SEPTIN11: variants seen among roughly 807,000 people sequenced by gnomAD.
The protein encoded by SEPTIN11 is septin-11.
Under a neutral mutation model 51.4 loss-of-function variants are expected in SEPTIN11, and 25 were observed. That is an observed-to-expected ratio of 0.49 (90% CI 0.35 to 0.68). The LOEUF is 0.68. Among genes scored for constraint, SEPTIN11 ranks in the 30% least tolerant of loss-of-function variants. The pLI, the probability that SEPTIN11 is intolerant of heterozygous loss-of-function variation, is 0.00. For synonymous variants in SEPTIN11, 174 were observed against 184.1 expected, an observed-to-expected ratio of 0.95 and a Z score of 0.44; for missense variants, 381 against 520.8, an observed-to-expected ratio of 0.73 and a Z score of 2.61.
At position 76,968,927 on chromosome 4, in the gene SEPTIN11, CCCCTCTCAATTTATTCT is replaced by C. The variant is rs975974511; in HGVS notation, c.27+18998_27+19014del. 2.6e-4 allele frequency among the ~76,000 whole-genome samples: 39 copies of C among 152,290 alleles called. 1 individual carries two copies. The highest frequency in any genetic ancestry group is 9.4e-4 in the African/African-American group (39 of 41,548). On this transcript the variant is annotated intron_variant, in intron 1 of 9. Coordinates refer to ENST00000264893, the MANE Select transcript of SEPTIN11 (RefSeq NM_018243.4). Reference sequence around the variant, plus strand: ...TTTTACATGGTCATTGAACACTCCACCCCTCTCAATTTATTCTACTCAAACACTGTTACGCCAGAGCA... The same window carrying C: ...TTTTACATGGTCATTGAACACTCCACACTCAAACACTGTTACGCCAGAGCA...
At chr4:76,969,338 CTCT>C (rs1439167258) in intron 1 of SEPTIN11, among the ~76,000 whole-genome samples, 1 of 152,044 alleles carries the variant, frequency 6.6e-6, no homozygotes, top group African/African-American at 2.4e-5. Context: ...AACTTTAGAC[CTCT>C]TCTTCTGCTG....
At position 77,036,337 on chromosome 4, in the gene SEPTIN11, ATGT is replaced by A. The variant is rs1727022611; in HGVS notation, c.*1828_*1830del. 1.9e-6 allele frequency: 2 copies of A among 1,040,098 alleles called. No homozygotes were observed. Among genetic ancestry groups the A allele is most frequent in the African/African-American group, 3.5e-5 (2 of 57,590 alleles). 64.4% of individuals were successfully genotyped at this position (1,040,098 alleles called of 1,614,324 possible). On this transcript the variant is annotated 3_prime_UTR_variant, in exon 10 of 10. Transcript: ENST00000264893. Reference sequence around the variant, plus strand: ...GTGGAGCAGCCAAATAGTAGCTGGCATGTTGATTCAAACCATGGGCTGAATTTG... The same window carrying A: ...GTGGAGCAGCCAAATAGTAGCTGGCATGATTCAAACCATGGGCTGAATTTG...
In SEPTIN11 at chr4:77,006,872, A is replaced by G. The variant is rs571113348; in HGVS notation, c.338+1076A>G. ...TATGAGCACCACAGTAATGACAGAT[A>G]AATGTTTAATTCATTCTTTAGCTGA... On this transcript the variant is annotated intron_variant, in intron 3 of 9. Transcript: ENST00000264893. 6.2e-4 allele frequency among the ~76,000 whole-genome samples: 94 copies of G among 152,364 alleles called. 1 individual carries two copies. Among genetic ancestry groups the G allele is most frequent in the African/African-American group, 2.3e-3 (94 of 41,584 alleles).
At position 77,005,770 on chromosome 4, in the gene SEPTIN11, T is replaced by A; in HGVS notation, c.312T>A (p.Phe104Leu). The A allele has an allele frequency of 6.2e-7, 1 of 1,613,872 alleles. No homozygotes were observed. Among genetic ancestry groups the A allele is most frequent in the Non-Finnish European group, 8.5e-7 (1 of 1,179,848 alleles). Residue 104 changes from phenylalanine (F) to leucine (L), a missense_variant, in exon 3 of 10, where the codon TTT becomes TTA. Physicochemically the swap from Phe to Leu is conservative, Grantham distance 22. Transcript: ENST00000264893. ...TAACCATTGTTGACACCGTGGGATT[T>A]GGAGACCAGATAAATAAAGATGACA... ...LKLTIVDTVG[F>L]GDQINKDDSY... is the part of the protein sequence containing the mutation.
intron 7 of SEPTIN11, 130 bp from the exon 8 acceptor site, chr4:77,028,499 A>G (rs1578206129): frequency 2.9e-6 from 3 of 1,017,428 alleles, no homozygotes; most frequent in Non-Finnish European, 4.3e-6. Context: ...GTGTCATTCT[A>G]CTTATGCTTT....
At position 77,030,989 on chromosome 4, in the gene SEPTIN11, C is replaced by G. The variant is rs756677015; in HGVS notation, c.1274+19C>G. The G allele has an allele frequency of 3.8e-6, 6 of 1,586,816 alleles. No individual in the cohort carries two copies. The highest frequency in any genetic ancestry group is 5.1e-6 in the Non-Finnish European group (6 of 1,173,460). On this transcript the variant is annotated intron_variant, in intron 9 of 9. Transcript: ENST00000264893. ...AGAAAAAGTAAGCAGGTGTCACCCC[C>G]CTGTATCGGGGACCTCTAACAATTT...
At chr4:76,955,895 G>C (rs953498605) in intron 1 of SEPTIN11, among the ~76,000 whole-genome samples, 1 of 152,192 alleles carries the variant, frequency 6.6e-6, no homozygotes, top group African/African-American at 2.4e-5. Context: ...TTAGACCTAA[G>C]CAACTGAGTC....
At position 77,035,274 on chromosome 4, in the gene SEPTIN11, T is replaced by A. The variant is rs541918815; in HGVS notation, c.*762T>A. ...TCTTAAAGGTTGGATCATGTAACAT[T>A]GCTTAGTAGAAGAATCTTCTTCTAA... On this transcript the variant is annotated 3_prime_UTR_variant, in exon 10 of 10. Coordinates refer to ENST00000264893, the MANE Select transcript of SEPTIN11 (RefSeq NM_018243.4). 50 of 985,428 alleles carry A rather than the reference T, an allele frequency of 5.1e-5. No homozygotes were observed. The African/African-American group carries it at 8.5e-4, about 17-fold the overall frequency. The allele number at this position is 985,428 out of a possible 1,614,324, so 61.0% of individuals were successfully genotyped here. A position where few individuals can be genotyped will look rare whatever the true frequency, so the allele number is the denominator to read the frequency against.
At chr4:77,017,909 T>C (rs1485765059) in intron 5 of SEPTIN11, among the ~76,000 whole-genome samples, 1 of 152,204 alleles carries the variant, frequency 6.6e-6, no homozygotes, top group African/African-American at 2.4e-5. Flanking sequence ...TAAATCTGGG[T>C]GCATAGCTTG....
Position 77,023,024 on chromosome 4 carries a change from C to T in SEPTIN11, c.953+2354C>T, listed in dbSNP as rs1210172452. ...TTTTAATTAAGGCATTTCCTGCAAGCCCAGAGTAACTGCCCACCAGGAGGA... is the reference window on the plus strand; with the variant it reads ...TTTTAATTAAGGCATTTCCTGCAAGTCCAGAGTAACTGCCCACCAGGAGGA... On this transcript the variant is annotated intron_variant, in intron 7 of 9. Transcript: ENST00000264893. Among the ~76,000 whole-genome samples, 9 of 152,152 alleles carry T rather than the reference C, an allele frequency of 5.9e-5. No individual in the cohort carries two copies. The East Asian group carries it at 1.7e-3, about 29-fold the overall frequency.
Position 77,034,883 on chromosome 4 carries a change from G to A in SEPTIN11, c.*371G>A. ...AAAACTTCTCACCGCCTCAGCAGCTGAACTAAAAACCTGAATAGCCATGAC... is the reference window on the plus strand; with the variant it reads ...AAAACTTCTCACCGCCTCAGCAGCTAAACTAAAAACCTGAATAGCCATGAC... On this transcript the variant is annotated 3_prime_UTR_variant, in exon 10 of 10. Transcript: ENST00000264893. 1 of 1,005,354 alleles carries A rather than the reference G, an allele frequency of 9.9e-7. No homozygotes were observed. The allele number at this position is 1,005,354 out of a possible 1,614,324, so 62.3% of individuals were successfully genotyped here.
intron 1 of SEPTIN11, chr4:76,995,962 G>A: frequency 6.5e-7 from 1 of 1,533,564 alleles, no homozygotes; most frequent in Non-Finnish European, 8.7e-7. Flanking sequence ...TGTCATCATT[G>A]TAAGGAGTAT....
At chr4:77,022,137 C>T (rs567618586) in intron 7 of SEPTIN11, among the ~76,000 whole-genome samples, 1 of 152,276 alleles carries the variant, frequency 6.6e-6, no homozygotes, top group South Asian at 2.1e-4. Context: ...GGTTACTAAA[C>T]CTGATGAAAT....
chr4:77,005,468 C>A lies in SEPTIN11; in HGVS notation c.143-133C>A, dbSNP rs1054413647. 8.1e-6 allele frequency: 6 copies of A among 743,824 alleles called. No homozygotes were observed. The African/African-American group carries it at 9.0e-5, about 11-fold the overall frequency. The allele number at this position is 743,824 out of a possible 1,614,324, so 46.1% of individuals were successfully genotyped here. A position where few individuals can be genotyped will look rare whatever the true frequency, so the allele number is the denominator to read the frequency against. ...TTACACATAGAAAGAATTATCTCTT[C>A]ACAGTGACATTTCTGGTGACAGTTT... On this transcript the variant is annotated intron_variant, in intron 2 of 9. Coordinates refer to ENST00000264893, the MANE Select transcript of SEPTIN11 (RefSeq NM_018243.4).
At chr4:77,014,758 G>T in intron 4 of SEPTIN11, 98 bp from the exon 5 acceptor site, 1 of 1,199,182 alleles carries the variant, frequency 8.3e-7, no homozygotes, top group Non-Finnish European at 1.2e-6. Flanking sequence ...ATTTTTTACA[G>T]TAAGGTTTTG....
chr4:76,959,570 G>A lies in SEPTIN11; in HGVS notation c.27+9640G>A, dbSNP rs537046214. 2.0e-5 allele frequency among the ~76,000 whole-genome samples: 3 copies of A among 152,098 alleles called. No homozygotes were observed. In the South Asian group the frequency reaches 6.2e-4, roughly 32 times the overall value. On this transcript the variant is annotated intron_variant, in intron 1 of 9. Coordinates refer to ENST00000264893, the MANE Select transcript of SEPTIN11 (RefSeq NM_018243.4). Reference sequence around the variant, plus strand: ...TAGTGCCTATTTTGTTCTGTAATGGGTTTAATTTACCCATTTCAAGTCAAT... The same window carrying A: ...TAGTGCCTATTTTGTTCTGTAATGGATTTAATTTACCCATTTCAAGTCAAT...
chr4:77,028,419 T>G (rs138590754), intron 7 of SEPTIN11, among the ~76,000 whole-genome samples: 1 of 152,364 alleles, frequency 6.6e-6, no homozygotes, highest in African/African-American at 2.4e-5. Flanking sequence ...TGCTGTGTTG[T>G]GCTTACTGAC....
At chr4:76,976,722 T>G (rs1363284360) in intron 1 of SEPTIN11, among the ~76,000 whole-genome samples, 1 of 152,232 alleles carries the variant, frequency 6.6e-6, no homozygotes, top group Non-Finnish European at 1.5e-5. Flanking sequence ...TTATTTGAAG[T>G]CTGATACCCA....
rs184732681 is a variant in SEPTIN11 at position 77,001,538 on chromosome 4, C to T, written c.143-4063C>T. Among the ~76,000 whole-genome samples the T allele has an allele frequency of 3.8e-3, 577 of 152,036 alleles. 4 individuals are homozygous for T. The highest frequency in any genetic ancestry group is 0.013 in the African/African-American group (538 of 41,470). ...CTAATTTTTGTATTTTTAGTAGAGA[C>T]GGGGTTTCACCATGTTGGCCAGGAT... On this transcript the variant is annotated intron_variant, in intron 2 of 9. Transcript: ENST00000264893.
Sources: allele counts gnomAD v4.1 joint callset (sites outside exome capture counted in the v4.1 genomes callset), GRCh38; gene constraint gnomAD v4.1.1; transcripts MANE v1.5; gene names NCBI Gene and HGNC (gene_info 2026-07-23, HGNC 2026-07-21).